OSBPL3: variants seen among roughly 807,000 people sequenced by gnomAD.
The protein encoded by OSBPL3 is oxysterol-binding protein-related protein 3.
A neutral mutation model predicts 120.1 loss-of-function variants in OSBPL3; 65 were observed. That is an observed-to-expected ratio of 0.54 (90% CI 0.44 to 0.67). The LOEUF (loss-of-function observed/expected upper bound fraction) is 0.67, where lower values mean the gene tolerates loss of function less well. OSBPL3 is among the 30% of genes least tolerant of loss of function. The pLI is 0.00. For synonymous variants in OSBPL3, 416 were observed against 402.6 expected (o/e 1.03, Z -0.40); for missense variants, 1,004 against 1,082.1 (o/e 0.93, Z 1.01).
rs1792452420 is a variant in OSBPL3 at position 24,802,252 on chromosome 7, G to C, written c.2568-1973C>G. Among the ~76,000 whole-genome samples the C allele has an allele frequency of 6.6e-6, 1 of 152,130 alleles. No homozygotes were observed. Among genetic ancestry groups the C allele is most frequent in the Non-Finnish European group, 1.5e-5 (1 of 68,024 alleles). ...CTCCAGCTTCCACTTAGAATTTTCAGTGATTTTGTTGCTGTTCCTCAGTAA... is the reference window on the plus strand; with the variant it reads ...CTCCAGCTTCCACTTAGAATTTTCACTGATTTTGTTGCTGTTCCTCAGTAA... On this transcript the variant is annotated intron_variant, in intron 22 of 22. Coordinates refer to ENST00000313367, the MANE Select transcript of OSBPL3 (RefSeq NM_015550.4). The surrounding 1 kb of genome is among the most constrained non-coding windows in gnomAD (Gnocchi z 4.1).
rs539480527 is a variant in OSBPL3 at position 24,861,040 on chromosome 7, A to G, written c.1027+573T>C. Among the ~76,000 whole-genome samples, 3 of 152,352 alleles carry G rather than the reference A, an allele frequency of 2.0e-5. No individual in the cohort carries two copies. The East Asian group carries it at 5.8e-4, about 29-fold the overall frequency. On this transcript the variant is annotated intron_variant, in intron 10 of 22. Transcript: ENST00000313367. ...TGGCTACACCATTTTACATAGCTAC[A>G]AGCAATGTATGACAGATTAAATTTA... is the stretch of plus-strand genomic sequence containing the variant.
Position 24,881,791 on chromosome 7 carries a change from C to G in OSBPL3, c.97-9722G>C, listed in dbSNP as rs1002096882. ...CAAAATCAAAGTGTTGGCAGGTCCA[C>G]GCTCCCTCTGGAGGATCTCAGGGGG... On this transcript the variant is annotated intron_variant, in intron 2 of 22. Coordinates refer to ENST00000313367, the MANE Select transcript of OSBPL3 (RefSeq NM_015550.4). This position sits in a 1 kb window ranked among gnomAD's most constrained non-coding sequence, Gnocchi z 4.3. 1.3e-5 allele frequency among the ~76,000 whole-genome samples: 2 copies of G among 152,168 alleles called. No homozygotes were observed. The highest frequency in any genetic ancestry group is 2.9e-5 in the Non-Finnish European group (2 of 68,018).
rs1244322560 is a variant in OSBPL3 at position 24,936,430 on chromosome 7, T to C, written c.-150+43456A>G. Among the ~76,000 whole-genome samples the C allele has an allele frequency of 6.6e-6, 1 of 152,110 alleles. No individual in the cohort carries two copies. Among genetic ancestry groups the C allele is most frequent in the Non-Finnish European group, 1.5e-5 (1 of 68,026 alleles). The stretch of plus-strand genomic sequence containing the variant: ...GACAAAGATCTTGCTCTTAACAAGG[T>C]CAAAACTGCAATGCAATACAATGGG... On this transcript the variant is annotated intron_variant, in intron 1 of 22. Transcript: ENST00000313367. The surrounding 1 kb of genome is among the most constrained non-coding windows in gnomAD (Gnocchi z 4.2).
chr7:24,946,965 A>G lies in OSBPL3; in HGVS notation c.-150+32921T>C, dbSNP rs1813806969. On this transcript the variant is annotated intron_variant, in intron 1 of 22. Transcript: ENST00000313367. The surrounding 1 kb of genome is among the most constrained non-coding windows in gnomAD (Gnocchi z 4.3). ...TGCTGTTTGGCTTGTGCTCAAAACG[A>G]AAAGGATAAGCATTATTGTTCATTA... 6.6e-6 allele frequency among the ~76,000 whole-genome samples: 1 copy of G among 152,218 alleles called. No individual in the cohort carries two copies. Among genetic ancestry groups the G allele is most frequent in the African/African-American group, 2.4e-5 (1 of 41,452 alleles).
chr7:24,950,270 A>G (rs1336755053), intron 1 of OSBPL3, among the ~76,000 whole-genome samples: 1 of 152,194 alleles, frequency 6.6e-6, no homozygotes, highest in Admixed American at 6.5e-5. Context: ...ACACACACAT[A>G]TTGGTGAAAG....
rs1794911718 is a variant in OSBPL3 at position 24,819,903 on chromosome 7, G to C, written c.1948+272C>G. Among the ~76,000 whole-genome samples the C allele has an allele frequency of 6.6e-6, 1 of 152,192 alleles. No individual in the cohort carries two copies. The highest frequency in any genetic ancestry group is 2.1e-4 in the South Asian group (1 of 4,828). On this transcript the variant is annotated intron_variant, in intron 17 of 22. Transcript: ENST00000313367. The surrounding 1 kb of genome is among the most constrained non-coding windows in gnomAD (Gnocchi z 4.1). ...AAAACCCCTCTGCTGTCTACACTCT[G>C]ATAAACAACTGTAAATATTTAATGT...
Position 24,804,177 on chromosome 7 carries a change from C to T in OSBPL3, c.2567+138G>A, listed in dbSNP as rs1211576751. ...GGGGACAGGGCCTGGCACAGAGGAG[C>T]AGTACCCCCACGTGGAAGCAGGAAA... is the stretch of plus-strand genomic sequence containing the variant. On this transcript the variant is annotated intron_variant, in intron 22 of 22. Transcript: ENST00000313367. This position sits in a 1 kb window ranked among gnomAD's most constrained non-coding sequence, Gnocchi z 5.4. 2.1e-6 allele frequency: 2 copies of T among 968,176 alleles called. No individual in the cohort carries two copies. Among genetic ancestry groups the T allele is most frequent in the African/African-American group, 3.2e-5 (2 of 61,722 alleles). The allele number at this position is 968,176 out of a possible 1,614,324, so 60.0% of individuals were successfully genotyped here. A position where few individuals can be genotyped will look rare whatever the true frequency, so the allele number is the denominator to read the frequency against.
At chr7:24,910,431 C>A (rs1808654011) in intron 1 of OSBPL3, among the ~76,000 whole-genome samples, 1 of 152,100 alleles carries the variant, frequency 6.6e-6, no homozygotes, top group African/African-American at 2.4e-5. Flanking sequence ...CAACACCTTA[C>A]AAGGAAGAAA....
Position 24,932,681 on chromosome 7 carries a change from CT to C in OSBPL3, c.-149-40061del, listed in dbSNP as rs1450790120. On this transcript the variant is annotated intron_variant, in intron 1 of 22. Transcript: ENST00000313367. The surrounding 1 kb of genome is among the most constrained non-coding windows in gnomAD (Gnocchi z 5.6). Reference sequence around the variant, plus strand: ...TCCCAAGACACCAAATCCAATAGTACTTCGATCTTGCATTTTCCAGCCTCCA... The same window carrying C: ...TCCCAAGACACCAAATCCAATAGTACTCGATCTTGCATTTTCCAGCCTCCA... Among the ~76,000 whole-genome samples, 1 of 152,174 alleles carries C rather than the reference CT, an allele frequency of 6.6e-6. No individual in the cohort carries two copies. The highest frequency in any genetic ancestry group is 1.5e-5 in the Non-Finnish European group (1 of 68,028).
chr7:24,812,761 A>C (rs1300512240), intron 19 of OSBPL3, among the ~76,000 whole-genome samples: 5 of 152,182 alleles, frequency 3.3e-5, no homozygotes, highest in Non-Finnish European at 7.3e-5. Context: ...TGTGGTAAAA[A>C]TGGTGGGGCA....
intron 1 of OSBPL3, among the ~76,000 whole-genome samples, chr7:24,951,604 T>C (rs1490884285): frequency 1.2e-4 from 19 of 152,180 alleles, no homozygotes. Context: ...CCCTTCCCCC[T>C]ACCCACACAC....
intron 19 of OSBPL3, 134 bp from the exon 20 acceptor site, chr7:24,810,085 G>T: frequency 1.1e-6 from 1 of 925,690 alleles, no homozygotes; most frequent in Non-Finnish European, 1.6e-6. Flanking sequence ...GCTAGTTCTG[G>T]GTTCCGTTTT....
At position 24,938,069 on chromosome 7, in the gene OSBPL3, A is replaced by T. The variant is rs1331576705; in HGVS notation, c.-150+41817T>A. On this transcript the variant is annotated intron_variant, in intron 1 of 22. Coordinates refer to ENST00000313367, the MANE Select transcript of OSBPL3 (RefSeq NM_015550.4). The surrounding 1 kb of genome is among the most constrained non-coding windows in gnomAD (Gnocchi z 5.8). ...CTTATCTCCAAATGGTGGCCTAAAT[A>T]TACAAGGGCTTATTTGCTATGGGCT... Among the ~76,000 whole-genome samples the T allele has an allele frequency of 6.6e-6, 1 of 152,230 alleles. No individual in the cohort carries two copies. Among genetic ancestry groups the T allele is most frequent in the East Asian group, 1.9e-4 (1 of 5,194 alleles).
Position 24,831,034 on chromosome 7 carries a change from T to A in OSBPL3, c.1747-129A>T. The A allele has an allele frequency of 1.1e-6, 1 of 881,462 alleles. No homozygotes were observed. Among genetic ancestry groups the A allele is most frequent in the Non-Finnish European group, 1.6e-6 (1 of 613,496 alleles). The allele number at this position is 881,462 out of a possible 1,614,324, so 54.6% of individuals were successfully genotyped here. On this transcript the variant is annotated intron_variant, in intron 15 of 22. Coordinates refer to ENST00000313367, the MANE Select transcript of OSBPL3 (RefSeq NM_015550.4). The surrounding 1 kb of genome is among the most constrained non-coding windows in gnomAD (Gnocchi z 4.0). ...GCCAAAGATTTGTCTTTGGTTGTTT[T>A]TAAACAACATAGGTTTAAAATTGTA...
In OSBPL3 at chr7:24,806,095, T is replaced by C. The variant is rs2128104165; in HGVS notation, c.2444+681A>G. Among the ~76,000 whole-genome samples the C allele has an allele frequency of 6.6e-6, 1 of 152,350 alleles. No individual in the cohort carries two copies. Among genetic ancestry groups the C allele is most frequent in the South Asian group, 2.1e-4 (1 of 4,826 alleles). ...CCTCAGCCTCCCAAGTAGTTGGGAC[T>C]ACGGGCATGTGCCACCACGCCTGGC... On this transcript the variant is annotated intron_variant, in intron 21 of 22. Transcript: ENST00000313367. The surrounding 1 kb of genome is among the most constrained non-coding windows in gnomAD (Gnocchi z 5.2).
chr7:24,903,765 T>C (rs1226152126), intron 1 of OSBPL3, among the ~76,000 whole-genome samples: 3 of 152,166 alleles, frequency 2.0e-5, no homozygotes, highest in African/African-American at 7.2e-5. Flanking sequence ...TGGGCCTCAC[T>C]ATTGGCACAT....
intron 1 of OSBPL3, among the ~76,000 whole-genome samples, chr7:24,909,976 TG>T (rs2128414218): frequency 6.6e-6 from 1 of 152,012 alleles, no homozygotes; most frequent in South Asian, 2.1e-4. Context: ...GGCTAATTTT[TG>T]TACTTTTTAG....
chr7:24,844,278 A>G (rs1289729407), intron 12 of OSBPL3, among the ~76,000 whole-genome samples: 1 of 152,234 alleles, frequency 6.6e-6, no homozygotes, highest in African/African-American at 2.4e-5. Context: ...AGCGTGGCCA[A>G]CCTACAGCCC....
chr7:24,830,769 T>C lies in OSBPL3; in HGVS notation c.1883A>G (p.Gln628Arg), dbSNP rs1345474009. The C allele has an allele frequency of 9.9e-6, 16 of 1,609,416 alleles. No individual in the cohort carries two copies. Among genetic ancestry groups the C allele is most frequent in the Non-Finnish European group, 1.3e-5 (15 of 1,178,900 alleles). ...EDKGFQFFSE[Q>R]VSHHPPISAC... ...AAGCAAAAAATGGTGTACATCTACC[T>C]GTTCTGAAAAAAACTGGAAGCCCTT... The change falls in exon 16 of 23, where the codon CAG becomes CGG. Residue 628 changes from glutamine (Q) to arginine (R), a missense_variant and splice_region_variant. Coordinates refer to ENST00000313367, the MANE Select transcript of OSBPL3 (RefSeq NM_015550.4). This position sits in a 1 kb window ranked among gnomAD's most constrained non-coding sequence, Gnocchi z 4.4.
Sources: gnomAD v4.1 joint callset for allele counts (sites outside exome capture counted in the v4.1 genomes callset) on GRCh38, gnomAD v4.1.1 for gene constraint, Gnocchi (gnomAD v3.1) non-coding constraint, MANE v1.5 for transcripts, NCBI Gene and HGNC (gene_info 2026-07-23, HGNC 2026-07-21) for gene names.